The following ATP2C2 variants were observed in gnomAD, a reference collection of about 807,000 sequenced individuals.
ATP2C2 encodes the protein calcium-transporting ATPase type 2C member 2.
ATP2C2 carries 171 observed loss-of-function variants against 110.8 expected under a neutral mutation model. The ratio of observed to expected loss-of-function variants is 1.54; its 90% CI spans 1.36 to 1.75. ATP2C2 has a LOEUF of 1.75. Ranked by LOEUF, ATP2C2 falls within the 40% of genes most tolerant of loss-of-function variation. The pLI, the probability that ATP2C2 is intolerant of heterozygous loss-of-function variation, is 0.00. For missense variants in ATP2C2, 1,963 were observed against 1,235.0 expected (o/e 1.59, Z -8.84); for synonymous variants, 804 against 508.4 (o/e 1.58, Z -7.82).
intron 1 of ATP2C2, among the ~76,000 whole-genome samples, chr16:84,388,633 C>T (rs1904462905): frequency 6.6e-6 from 1 of 152,198 alleles, no homozygotes; most frequent in Non-Finnish European, 1.5e-5. Context: ...GTGTGTGTCT[C>T]CAATGTCACC....
chr16:84,383,539 A>G (rs888983297), intron 1 of ATP2C2, among the ~76,000 whole-genome samples: 1 of 152,184 alleles, frequency 6.6e-6, no homozygotes, highest in Admixed American at 6.5e-5. Context: ...TCATTTCTTC[A>G]TTTATTGTCT....
At chr16:84,419,077 C>T (rs1400082338) in intron 7 of ATP2C2, among the ~76,000 whole-genome samples, 4 of 151,722 alleles carry the variant, frequency 2.6e-5, no homozygotes, top group African/African-American at 9.7e-5. Context: ...GGCGTGGTGG[C>T]GTGCACCTGT....
Position 84,429,636 on chromosome 16 carries a change from G to C in ATP2C2, c.986+3835G>C, listed in dbSNP as rs138079314. ...AAAGATTGTAGGTCTCAGTGGGGATGGAGAATCGATGGGAATCAAGGGCTA... is the reference window on the plus strand; with the variant it reads ...AAAGATTGTAGGTCTCAGTGGGGATCGAGAATCGATGGGAATCAAGGGCTA... On this transcript the variant is annotated intron_variant, in intron 11 of 26. Coordinates refer to ENST00000262429, the MANE Select transcript of ATP2C2 (RefSeq NM_014861.4). Among the ~76,000 whole-genome samples the C allele has an allele frequency of 4.7e-3, 708 of 152,224 alleles. 3 individuals are homozygous for C. The highest frequency in any genetic ancestry group is 0.016 in the African/African-American group (663 of 41,516).
At chr16:84,430,447 G>C (rs12930030) in intron 11 of ATP2C2, among the ~76,000 whole-genome samples, 55,248 of 151,666 alleles carry the variant, frequency 0.36, 10,270 homozygotes, top group South Asian at 0.39. Flanking sequence ...TTAAGACCAG[G>C]TTGGCCAACA....
At position 84,416,456 on chromosome 16, in the gene ATP2C2, G is replaced by T. The variant is rs151049211; in HGVS notation, c.624+865G>T. ...TGGGATGCATTCTCAGGAACTGTAG[G>T]ATCAAGGACCCGCTATTAAGAGGGC... On this transcript the variant is annotated intron_variant, in intron 7 of 26. Coordinates refer to ENST00000262429, the MANE Select transcript of ATP2C2 (RefSeq NM_014861.4). Among the ~76,000 whole-genome samples, 104 of 152,280 alleles carry T rather than the reference G, an allele frequency of 6.8e-4. 3 individuals carry two copies. The East Asian group carries it at 0.018, about 27-fold the overall frequency.
At position 84,463,183 on chromosome 16, in the gene ATP2C2, C is replaced by T. The variant is rs529922841; in HGVS notation, c.2723-431C>T. On this transcript the variant is annotated intron_variant, in intron 26 of 26. Coordinates refer to ENST00000262429, the MANE Select transcript of ATP2C2 (RefSeq NM_014861.4). ...AGCATGTGACAGGAGCAGAGGGAGA[C>T]GCTGGGAATTCATCCCAGGGAACAT... Among the ~76,000 whole-genome samples, 142 of 16,694 alleles carry T rather than the reference C, an allele frequency of 8.5e-3. 2 individuals are homozygous for T. The highest frequency in any genetic ancestry group is 0.027 in the African/African-American group (128 of 4,798). 11.0% of individuals were successfully genotyped at this position (16,694 alleles called of 152,430 possible).
intron 1 of ATP2C2, among the ~76,000 whole-genome samples, chr16:84,373,776 T>A (rs1352890082): frequency 2.0e-5 from 3 of 152,214 alleles, no homozygotes; most frequent in African/African-American, 7.2e-5. Flanking sequence ...ATCTGACATG[T>A]CATCTGCTCA....
chr16:84,406,137 C>G (rs74768619), intron 3 of ATP2C2, among the ~76,000 whole-genome samples: 19,351 of 152,198 alleles, frequency 0.13, 1,577 homozygotes, highest in Admixed American at 0.19. Flanking sequence ...GGAGCTGCAC[C>G]CAGAGCCCCT....
intron 7 of ATP2C2, among the ~76,000 whole-genome samples, chr16:84,415,864 T>G (rs1325373852): frequency 6.6e-6 from 1 of 152,162 alleles, no homozygotes; most frequent in East Asian, 1.9e-4. Flanking sequence ...AATAACAAAT[T>G]AAACCAAGGT....
intron 1 of ATP2C2, among the ~76,000 whole-genome samples, chr16:84,390,644 G>C (rs1904599123): frequency 6.6e-6 from 1 of 152,158 alleles, no homozygotes. Context: ...GGGAGTGCCT[G>C]CTTCCTGGGC....
intron 11 of ATP2C2, among the ~76,000 whole-genome samples, chr16:84,438,283 C>A (rs138015814): frequency 1.3e-5 from 2 of 152,340 alleles, no homozygotes; most frequent in East Asian, 3.9e-4. Context: ...AACACTCTTG[C>A]CCTTTCTACA....
chr16:84,384,631 T>A (rs1270966032), intron 1 of ATP2C2, among the ~76,000 whole-genome samples: 1 of 152,238 alleles, frequency 6.6e-6, no homozygotes, highest in Non-Finnish European at 1.5e-5. Context: ...GATTCTCGTT[T>A]TATTTTCGCT....
At chr16:84,450,887 T>C (rs937935455) in intron 17 of ATP2C2, among the ~76,000 whole-genome samples, 6 of 151,772 alleles carry the variant, frequency 4.0e-5, no homozygotes, top group African/African-American at 1.5e-4. Context: ...ACAGAGCAAA[T>C]GAGGGCAAGA....
chr16:84,443,117 G>A (rs1909421740), intron 15 of ATP2C2, among the ~76,000 whole-genome samples: 2 of 152,092 alleles, frequency 1.3e-5, no homozygotes, highest in African/African-American at 2.4e-5. Context: ...GGGGCCTGCT[G>A]CATTCTGTGC....
chr16:84,438,483 C>A (rs1433008610), intron 11 of ATP2C2, among the ~76,000 whole-genome samples: 2 of 152,222 alleles, frequency 1.3e-5, no homozygotes, highest in African/African-American at 4.8e-5. Context: ...TCATGTGCTG[C>A]AGCCCCAGTC....
intron 23 of ATP2C2, chr16:84,459,792 C>A: frequency 1.8e-6 from 1 of 541,562 alleles, no homozygotes; most frequent in Non-Finnish European, 3.3e-6. Flanking sequence ...CCTTATGGAT[C>A]TGATTGTGAT....
chr16:84,373,434 AAGTTGC>A (rs1393111669), intron 1 of ATP2C2, among the ~76,000 whole-genome samples: 6 of 152,178 alleles, frequency 3.9e-5, no homozygotes, highest in Admixed American at 3.9e-4. Flanking sequence ...CAGGAGGTGG[AAGTTGC>A]AGTGAGCCAA....
intron 1 of ATP2C2, among the ~76,000 whole-genome samples, chr16:84,386,550 G>A (rs1176936563): frequency 2.0e-5 from 3 of 152,282 alleles, no homozygotes; most frequent in East Asian, 3.9e-4. Context: ...CTTGAGCAAG[G>A]TTCATGCTCC....
Position 84,452,044 on chromosome 16 carries a change from C to G in ATP2C2, c.1784C>G (p.Ser595Cys), listed in dbSNP as rs747238154. Residue 595 changes from serine to cysteine, a missense_variant, in exon 18 of 27, where the codon TCT (serine) becomes TGT (cysteine). Physicochemically the swap from Ser to Cys is moderately radical, Grantham distance 112 (BLOSUM62 -1). Coordinates refer to ENST00000262429, the MANE Select transcript of ATP2C2 (RefSeq NM_014861.4). ...AVQVLSESGV[S>C]VKMITGDALE... ...CAGGTTCTCTCCGAGTCTGGTGTGTCTGTGAAGATGATAACGGGGGATGCC... is the reference window on the plus strand; with the variant it reads ...CAGGTTCTCTCCGAGTCTGGTGTGTGTGTGAAGATGATAACGGGGGATGCC... 7 of 1,613,506 alleles carry G rather than the reference C, an allele frequency of 4.3e-6. 1 individual carries two copies. The South Asian group carries it at 7.7e-5, about 18-fold the overall frequency.
Sources: gnomAD v4.1 joint callset for allele counts (sites outside exome capture counted in the v4.1 genomes callset) on GRCh38, gnomAD v4.1.1 for gene constraint, MANE v1.5 for transcripts, NCBI Gene and HGNC (gene_info 2026-07-23, HGNC 2026-07-21) for gene names.